Variants in BICRAL observed in about 807,000 individuals in gnomAD.
BICRAL encodes the protein BRD4-interacting chromatin-remodeling complex-associated protein-like.
A neutral mutation model predicts 91.8 loss-of-function variants in BICRAL; 8 were observed. The ratio of observed to expected loss-of-function variants is 0.09; its 90% confidence interval spans 0.05 to 0.16. The LOEUF (loss-of-function observed/expected upper bound fraction) is 0.16, where lower values mean the gene tolerates loss of function less well. Among genes scored for constraint, BICRAL ranks in the 10% least tolerant of loss-of-function variants. The pLI is 1.00. For missense variants in BICRAL, 1,038 were observed against 1,310.9 expected (o/e 0.79, Z 3.21); for synonymous variants, 445 against 491.1 (o/e 0.91, Z 1.24).
intron 1 of BICRAL, among the ~76,000 whole-genome samples, chr6:42,747,807 T>TA (rs1474854674): frequency 1.9e-5 from 2 of 103,822 alleles, no homozygotes; most frequent in African/African-American, 6.7e-5. Flanking sequence ...TTTATTTTGT[T>TA]TTTTTTTTTT....
intron 1 of BICRAL, among the ~76,000 whole-genome samples, chr6:42,804,029 TTTG>T (rs1763642454): frequency 6.6e-6 from 1 of 152,198 alleles, no homozygotes; most frequent in African/African-American, 2.4e-5. Flanking sequence ...TGTTTGTTTG[TTTG>T]TTTTTTTGAG....
At chr6:42,798,750 A>G (rs1042189253) in intron 1 of BICRAL, among the ~76,000 whole-genome samples, 1 of 152,188 alleles carries the variant, frequency 6.6e-6, no homozygotes, top group Non-Finnish European at 1.5e-5. Context: ...AGATCCTCCC[A>G]TATACTTTAA....
intron 11 of BICRAL, 47 bp downstream of exon 11, chr6:42,860,403 A>C (rs777386913): frequency 1.9e-4 from 203 of 1,043,086 alleles, no homozygotes; most frequent in Middle Eastern, 2.1e-4. Flanking sequence ...TTTACAGGTC[A>C]CAGCCACTAA....
intron 1 of BICRAL, among the ~76,000 whole-genome samples, chr6:42,759,278 A>G (rs1431639575): frequency 6.6e-6 from 1 of 152,240 alleles, no homozygotes; most frequent in Non-Finnish European, 1.5e-5. Flanking sequence ...TCTTGAAGGC[A>G]CTGGAGCTGC....
chr6:42,750,041 T>C (rs1762351890), intron 1 of BICRAL, among the ~76,000 whole-genome samples: 1 of 151,626 alleles, frequency 6.6e-6, no homozygotes, highest in Non-Finnish European at 1.5e-5. Context: ...ATATATATAG[T>C]TTTAGTAGAG....
intron 1 of BICRAL, among the ~76,000 whole-genome samples, chr6:42,748,253 AAAG>A (rs1236989626): frequency 6.6e-6 from 1 of 152,178 alleles, no homozygotes; most frequent in Admixed American, 6.6e-5. Context: ...TGATTTAAGC[AAAG>A]AAGCTTTAGA....
chr6:42,755,555 T>A (rs1482372503), intron 1 of BICRAL, among the ~76,000 whole-genome samples: 3 of 152,250 alleles, frequency 2.0e-5, no homozygotes, highest in African/African-American at 7.2e-5. Flanking sequence ...TTCTAACTTA[T>A]CTGTGAAGAC....
intron 2 of BICRAL, among the ~76,000 whole-genome samples, chr6:42,814,519 A>ATATATATATTTT (rs1237976324): frequency 5.0e-5 from 4 of 80,236 alleles, no homozygotes; most frequent in Non-Finnish European, 8.4e-5. Flanking sequence ...ATATATATAT[A>ATATATATATTTT]TTTTTTTTTT....
At chr6:42,767,295 C>T (rs1762650752) in intron 1 of BICRAL, among the ~76,000 whole-genome samples, 1 of 152,022 alleles carries the variant, frequency 6.6e-6, no homozygotes, top group Non-Finnish European at 1.5e-5. Flanking sequence ...CTATTTATGT[C>T]ATTTAATTAT....
chr6:42,851,293 G>A (rs766726133), intron 6 of BICRAL, among the ~76,000 whole-genome samples: 8 of 152,150 alleles, frequency 5.3e-5, no homozygotes, highest in Non-Finnish European at 1.0e-4. Context: ...AGACTTGGGT[G>A]GAAGGATCAC....
Position 42,814,974 on chromosome 6 carries a change from A to G in BICRAL, c.-6+4573A>G, listed in dbSNP as rs144509117. 7.1e-3 allele frequency among the ~76,000 whole-genome samples: 1,068 copies of G among 150,644 alleles called. 6 individuals carry two copies. The highest frequency in any genetic ancestry group is 0.023 in the African/African-American group (943 of 41,000). ...CACCCAGGCTGGAGTGCAGTGGTGCAATCTCAGCTCATTGCAACTTCCACC... is the reference window on the plus strand; with the variant it reads ...CACCCAGGCTGGAGTGCAGTGGTGCGATCTCAGCTCATTGCAACTTCCACC... On this transcript the variant is annotated intron_variant, in intron 2 of 12. Transcript: ENST00000314073.
chr6:42,790,774 C>G (rs1763249024), intron 1 of BICRAL, among the ~76,000 whole-genome samples: 1 of 151,976 alleles, frequency 6.6e-6, no homozygotes. Flanking sequence ...ATTTAAGTAG[C>G]ATACCAGATG....
At chr6:42,804,812 T>C (rs1001455636) in intron 1 of BICRAL, among the ~76,000 whole-genome samples, 13 of 152,192 alleles carry the variant, frequency 8.5e-5, no homozygotes, top group Non-Finnish European at 1.9e-4. Flanking sequence ...CAGAATTAAG[T>C]GCTGTCTCAT....
chr6:42,846,384 C>A (rs144366461), intron 6 of BICRAL, among the ~76,000 whole-genome samples: 2,038 of 141,900 alleles, frequency 0.014, 36 homozygotes, highest in African/African-American at 0.056. Context: ...ATAAAATAAA[C>A]AATAAGTTAA....
intron 6 of BICRAL, among the ~76,000 whole-genome samples, chr6:42,837,265 A>G (rs1764668846): frequency 6.6e-6 from 1 of 152,020 alleles, no homozygotes; most frequent in Admixed American, 6.6e-5. Context: ...TAATATTTCT[A>G]TATAAATTAC....
At chr6:42,810,584 A>G (rs1010266078) in intron 2 of BICRAL, among the ~76,000 whole-genome samples, 183 bp downstream of exon 2, 1 of 152,262 alleles carries the variant, frequency 6.6e-6, no homozygotes, top group African/African-American at 2.4e-5. Context: ...TTTGCCCTGC[A>G]TAAGTGGCTA....
chr6:42,798,625 G>C (rs148630135), intron 1 of BICRAL, among the ~76,000 whole-genome samples: 1 of 152,006 alleles, frequency 6.6e-6, no homozygotes, highest in African/African-American at 2.4e-5. Context: ...AAACCCAGGA[G>C]GGGGAGGTTG....
intron 6 of BICRAL, among the ~76,000 whole-genome samples, chr6:42,841,247 G>GGT (rs1764789509): frequency 1.4e-5 from 2 of 138,016 alleles, no homozygotes; most frequent in African/African-American, 2.7e-5. Flanking sequence ...GGAGTGCAGT[G>GGT]GCACGATCTT....
chr6:42,854,978 G>C (rs763197631), intron 8 of BICRAL, among the ~76,000 whole-genome samples: 2 of 152,178 alleles, frequency 1.3e-5, no homozygotes, highest in Non-Finnish European at 2.9e-5. Context: ...TACTAAGACA[G>C]TTTCGTTTCC....
Sources: gnomAD v4.1 joint callset for allele counts (sites outside exome capture counted in the v4.1 genomes callset) on GRCh38, gnomAD v4.1.1 for gene constraint, MANE v1.5 for transcripts, NCBI Gene and HGNC (gene_info 2026-07-23, HGNC 2026-07-21) for gene names.